The following GALNT6 variants were observed in gnomAD, a reference collection of about 807,000 sequenced individuals.
GALNT6 encodes polypeptide N-acetylgalactosaminyltransferase 6, also known as GalNAc transferase 6.
GALNT6 carries 51 observed loss-of-function variants against 65.9 expected under a neutral mutation model. The observed-to-expected ratio is 0.77, with a 90% CI of 0.62 to 0.98. The LOEUF is 0.98. Ranked by LOEUF, GALNT6 falls within the 50% of genes least tolerant of loss-of-function variation. The pLI is 0.00. For missense variants in GALNT6, 708 were observed against 803.3 expected (o/e 0.88, Z 1.43); for synonymous variants, 323 against 315.1 (o/e 1.02, Z -0.26).
chr12:51,363,598 T>G (rs1946996109), intron 6 of GALNT6, among the ~76,000 whole-genome samples: 1 of 152,358 alleles, frequency 6.6e-6, no homozygotes, highest in East Asian at 1.9e-4. Flanking sequence ...TGCTACAAAC[T>G]TCACGCTGCA....
intron 2 of GALNT6, among the ~76,000 whole-genome samples, chr12:51,389,485 A>T (rs113469803): frequency 2.0e-5 from 3 of 152,338 alleles, no homozygotes; most frequent in Non-Finnish European, 4.4e-5. Flanking sequence ...CACTCTCTTA[A>T]CTATGACATC....
At chr12:51,372,869 C>T (rs889091846) in intron 4 of GALNT6, among the ~76,000 whole-genome samples, 3 of 152,220 alleles carry the variant, frequency 2.0e-5, no homozygotes, top group African/African-American at 4.8e-5. Context: ...CTTGCATCAG[C>T]GTGACCTGGA....
chr12:51,385,278 C>G (rs1465859263), intron 2 of GALNT6, among the ~76,000 whole-genome samples: 1 of 152,214 alleles, frequency 6.6e-6, no homozygotes, highest in Non-Finnish European at 1.5e-5. Context: ...TGTGAGCCAT[C>G]ATGTCCAGCC....
At chr12:51,382,841 C>T (rs934901120) in intron 2 of GALNT6, among the ~76,000 whole-genome samples, 1 of 151,986 alleles carries the variant, frequency 6.6e-6, no homozygotes, top group African/African-American at 2.4e-5. Context: ...AGGAAGACCC[C>T]CTTGGGTGAT....
intron 11 of GALNT6, among the ~76,000 whole-genome samples, chr12:51,355,285 C>T (rs777019929): frequency 1.3e-5 from 2 of 152,106 alleles, no homozygotes; most frequent in Non-Finnish European, 2.9e-5. Context: ...GAGCTAGCCA[C>T]GAACCATAAC....
chr12:51,369,268 C>A (rs919882400), intron 4 of GALNT6, among the ~76,000 whole-genome samples: 5 of 152,194 alleles, frequency 3.3e-5, no homozygotes, highest in African/African-American at 4.8e-5. Flanking sequence ...GAGGCCAGAC[C>A]CAGGGATTCT....
chr12:51,381,218 CGAGA>C (rs1024908547), intron 2 of GALNT6, among the ~76,000 whole-genome samples: 2 of 152,026 alleles, frequency 1.3e-5, no homozygotes, highest in Non-Finnish European at 2.9e-5. Flanking sequence ...TCAGCATGGG[CGAGA>C]GAGAGATTCT....
At position 51,364,289 on chromosome 12, in the gene GALNT6, A is replaced by G. The variant is rs766185241; in HGVS notation, c.881T>C (p.Val294Ala). ...GTCGATGGTGACGATGTCTGGGCTCACCACCACTGTCTTGTCCTCAGCGAT... is the reference window on the plus strand; with the variant it reads ...GTCGATGGTGACGATGTCTGGGCTCGCCACCACTGTCTTGTCCTCAGCGAT... ...ARIAEDKTVV[V>A]SPDIVTIDLN... Residue 294 changes from valine (V) to alanine (A), a missense_variant, in exon 6 of 12, where the codon GTG becomes GCG. Val to Ala is a moderately conservative substitution (Grantham distance 64). Coordinates refer to ENST00000356317, the MANE Select transcript of GALNT6 (RefSeq NM_007210.4). The G allele has an allele frequency of 1.5e-5, 24 of 1,614,014 alleles. No homozygotes were observed. The highest frequency in any genetic ancestry group is 1.8e-5 in the Non-Finnish European group (21 of 1,180,014).
intron 2 of GALNT6, among the ~76,000 whole-genome samples, chr12:51,381,650 G>C (rs946097496): frequency 6.6e-6 from 1 of 152,128 alleles, no homozygotes; most frequent in Non-Finnish European, 1.5e-5. Flanking sequence ...GTGACCCTTG[G>C]GTAATTTACT....
chr12:51,366,426 G>A (rs2137619639), intron 4 of GALNT6, among the ~76,000 whole-genome samples: 1 of 152,338 alleles, frequency 6.6e-6, no homozygotes, highest in East Asian at 1.9e-4. Context: ...TCAGCAGCAG[G>A]ACATCTGACT....
At chr12:51,369,489 AC>A (rs1291024032) in intron 4 of GALNT6, among the ~76,000 whole-genome samples, 3 of 151,622 alleles carry the variant, frequency 2.0e-5, no homozygotes, top group Non-Finnish European at 4.4e-5. Context: ...TAGGTTCAAC[AC>A]CCCACCACCC....
rs766383971 is a variant in GALNT6 at position 51,359,101 on chromosome 12, C to G, written c.1368+31G>C. The G allele has an allele frequency of 1.2e-5, 19 of 1,574,714 alleles. No homozygotes were observed. In the South Asian group the frequency reaches 2.0e-4, roughly 17 times the overall value. On this transcript the variant is annotated intron_variant, in intron 8 of 11. Transcript: ENST00000356317. Reference sequence around the variant, plus strand: ...GTCTGGGGGCCGTACTTCTCTTCATCTAAACCTCTCCGAGAACCATTTCCT... The same window carrying G: ...GTCTGGGGGCCGTACTTCTCTTCATGTAAACCTCTCCGAGAACCATTTCCT...
intron 4 of GALNT6, among the ~76,000 whole-genome samples, chr12:51,366,483 A>G (rs1166260053): frequency 1.3e-5 from 2 of 152,178 alleles, no homozygotes; most frequent in Non-Finnish European, 2.9e-5. Flanking sequence ...CTTTAAGGTG[A>G]AAACATGCCC....
intron 11 of GALNT6, among the ~76,000 whole-genome samples, chr12:51,355,487 C>T (rs1946718234): frequency 6.6e-6 from 1 of 151,904 alleles, no homozygotes. Flanking sequence ...TTATTTTTCC[C>T]AAGATGGAGT....
chr12:51,376,007 C>T (rs561989133), intron 4 of GALNT6, among the ~76,000 whole-genome samples: 8 of 152,014 alleles, frequency 5.3e-5, no homozygotes, highest in African/African-American at 1.4e-4. Flanking sequence ...ACTACAAGCG[C>T]GCACCACCAC....
chr12:51,378,849 C>G (rs1209132923), intron 3 of GALNT6, among the ~76,000 whole-genome samples: 1 of 151,458 alleles, frequency 6.6e-6, no homozygotes, highest in African/African-American at 2.4e-5. Flanking sequence ...TGAGGATATT[C>G]CTAACCACCA....
Position 51,360,778 on chromosome 12 carries a change from A to T in GALNT6, c.1110T>A (p.Gly370=). The change falls in exon 7 of 12, where the codon GGT becomes GGA. Residue 370 remains glycine (G), a synonymous_variant. Transcript: ENST00000356317. ...SISKSYFEHI[G]TYDNQMEIWG... ...AGATCTCCATCTGATTATCATAGGT[A>T]CCGATGTGCTCAAAGTAGGACTTGG... 6.2e-7 allele frequency: 1 copy of T among 1,613,806 alleles called. No homozygotes were observed. The highest frequency in any genetic ancestry group is 1.1e-5 in the South Asian group (1 of 91,058).
chr12:51,353,364 C>CT lies in GALNT6; in HGVS notation c.*1014dup, dbSNP rs56716510. Reference sequence around the variant, plus strand: ...CCTCTGATCTGTCTGTTAGAATATACTTTTTTTTTTTTTTTTTTTCCTGAG... The same window carrying CT: ...CCTCTGATCTGTCTGTTAGAATATACTTTTTTTTTTTTTTTTTTTTCCTGAG... On this transcript the variant is annotated 3_prime_UTR_variant, in exon 12 of 12. Transcript: ENST00000356317. The CT allele has an allele frequency of 6.2e-4, 87 of 139,508 alleles. No individual in the cohort carries two copies. Among genetic ancestry groups the CT allele is most frequent in the Middle Eastern group, 3.9e-3 (1 of 256 alleles). 8.6% of individuals were successfully genotyped at this position (139,508 alleles called of 1,614,324 possible). A position where few individuals can be genotyped will look rare whatever the true frequency, so the allele number is the denominator to read the frequency against.
At chr12:51,362,904 C>G (rs1946969651) in intron 6 of GALNT6, among the ~76,000 whole-genome samples, 1 of 151,560 alleles carries the variant, frequency 6.6e-6, no homozygotes, top group Non-Finnish European at 1.5e-5. Flanking sequence ...TGCTATGCTG[C>G]CCAGGCTGTT....
Sources: gnomAD v4.1 joint callset for allele counts (sites outside exome capture counted in the v4.1 genomes callset) on GRCh38, gnomAD v4.1.1 for gene constraint, MANE v1.5 for transcripts, NCBI Gene and HGNC (gene_info 2026-07-23, HGNC 2026-07-21) for gene names.